Variants in ANO6 observed in about 807,000 individuals in gnomAD.
ANO6 encodes the protein anoctamin-6.
ANO6 carries 106 observed loss-of-function variants against 117.5 expected under a neutral mutation model. The ratio of observed to expected loss-of-function variants is 0.90; its 90% confidence interval spans 0.77 to 1.06. The LOEUF (loss-of-function observed/expected upper bound fraction) is 1.06. Among genes scored for constraint, ANO6 ranks in the 50% least tolerant of loss-of-function variants. The pLI is 0.00. For missense variants in ANO6, 955 were observed against 1,121.1 expected, an observed-to-expected ratio of 0.85 and a Z score of 2.12; for synonymous variants, 367 against 385.1, an observed-to-expected ratio of 0.95 and a Z score of 0.55.
chr12:45,415,754 C>G (rs969531811), intron 16 of ANO6, among the ~76,000 whole-genome samples: 1 of 152,164 alleles, frequency 6.6e-6, no homozygotes, highest in Non-Finnish European at 1.5e-5. Flanking sequence ...CTGCTTGCCT[C>G]GCCACACCCT....
chr12:45,402,086 GT>G (rs1942806511), intron 13 of ANO6, 66 bp downstream of exon 13: 2 of 1,400,692 alleles, frequency 1.4e-6, no homozygotes, highest in African/African-American at 2.9e-5. Flanking sequence ...AATAGAGACT[GT>G]TATCTTTTAG....
chr12:45,393,295 G>A (rs1483992956), intron 12 of ANO6, among the ~76,000 whole-genome samples: 1 of 152,154 alleles, frequency 6.6e-6, no homozygotes, highest in African/African-American at 2.4e-5. Flanking sequence ...CAAGGTTAGA[G>A]GAAAAAGTAA....
At chr12:45,426,045 C>T (rs769734549) in intron 19 of ANO6, among the ~76,000 whole-genome samples, 2 of 152,196 alleles carry the variant, frequency 1.3e-5, no homozygotes, top group Non-Finnish European at 2.9e-5. Context: ...TGACGTTATT[C>T]AAGGACCTGG....
rs145763837 is a variant in ANO6 at position 45,394,218 on chromosome 12, T to C, written c.1386+3720T>C. Among the ~76,000 whole-genome samples the C allele has an allele frequency of 9.4e-3, 1,429 of 152,178 alleles. 27 individuals are homozygous for C. Among genetic ancestry groups the C allele is most frequent in the African/African-American group, 0.032 (1,346 of 41,516 alleles). Reference sequence around the variant, plus strand: ...ATCCTAGTCTCTCATAAAGCAGACTTTAAACCAACAAAGATCAAAAGAGAG... The same window carrying C: ...ATCCTAGTCTCTCATAAAGCAGACTCTAAACCAACAAAGATCAAAAGAGAG... On this transcript the variant is annotated intron_variant, in intron 12 of 19. Coordinates refer to ENST00000320560, the MANE Select transcript of ANO6 (RefSeq NM_001025356.3).
chr12:45,251,014 A>G (rs1324057579), intron 1 of ANO6, among the ~76,000 whole-genome samples: 3 of 151,846 alleles, frequency 2.0e-5, no homozygotes, highest in Non-Finnish European at 4.4e-5. Flanking sequence ...TCCAGGCCAC[A>G]GTGAGCCCTG....
At chr12:45,315,441 G>C (rs1939992812) in intron 2 of ANO6, among the ~76,000 whole-genome samples, 1 of 151,796 alleles carries the variant, frequency 6.6e-6, no homozygotes, top group Admixed American at 6.6e-5. Context: ...TGGGGGTGAG[G>C]GAGAAGCGAA....
At chr12:45,230,911 C>A (rs1019238549) in intron 1 of ANO6, among the ~76,000 whole-genome samples, 1 of 152,030 alleles carries the variant, frequency 6.6e-6, no homozygotes, top group Admixed American at 6.6e-5. Flanking sequence ...AGTTCAAGAC[C>A]AGCCTGGGCA....
chr12:45,283,570 A>G (rs1428423159), intron 1 of ANO6, among the ~76,000 whole-genome samples: 1 of 152,214 alleles, frequency 6.6e-6, no homozygotes, highest in Non-Finnish European at 1.5e-5. Context: ...TGATTCAGTT[A>G]TATAATTTAA....
chr12:45,234,398 C>A (rs1474594809), intron 1 of ANO6, among the ~76,000 whole-genome samples: 2 of 152,046 alleles, frequency 1.3e-5, no homozygotes, highest in African/African-American at 4.8e-5. Flanking sequence ...CACCTTTTTT[C>A]CTACTGATTT....
chr12:45,329,460 A>C, intron 2 of ANO6, among the ~76,000 whole-genome samples: 1 of 152,162 alleles, frequency 6.6e-6, no homozygotes, highest in East Asian at 1.9e-4. Context: ...ATGGTCTTGC[A>C]TCACACATGG....
chr12:45,404,403 G>A (rs1449697707), intron 15 of ANO6, among the ~76,000 whole-genome samples: 1 of 152,018 alleles, frequency 6.6e-6, no homozygotes, highest in East Asian at 1.9e-4. Context: ...TTCTATTGCT[G>A]CTATAACAAA....
At chr12:45,433,109 A>T (rs1240226920), downstream of ANO6, among the ~76,000 whole-genome samples, 1 of 152,218 alleles carries the variant, frequency 6.6e-6, no homozygotes, top group East Asian at 1.9e-4. Flanking sequence ...CTTATACCTT[A>T]GGACCAACCA....
intron 8 of ANO6, among the ~76,000 whole-genome samples, chr12:45,365,650 G>T (rs1297113958): frequency 1.3e-5 from 2 of 152,144 alleles, no homozygotes; most frequent in Non-Finnish European, 2.9e-5. Context: ...TGGCTGCTAG[G>T]CTGCTATTTT....
Position 45,430,878 on chromosome 12 carries a change from T to C in ANO6, c.*1567T>C, listed in dbSNP as rs1184141816. 7 of 985,232 alleles carry C rather than the reference T, an allele frequency of 7.1e-6. No individual in the cohort carries two copies. Among genetic ancestry groups the C allele is most frequent in the Non-Finnish European group, 7.2e-6 (6 of 829,934 alleles). 61.0% of individuals were successfully genotyped at this position (985,232 alleles called of 1,614,324 possible). ...TGCTGGGTGCACAAGAGGGAGGTGA[T>C]TTGCATCATGGTCATGCTGCATGGG... is the stretch of plus-strand genomic sequence containing the variant. On this transcript the variant is annotated 3_prime_UTR_variant, in exon 20 of 20. Transcript: ENST00000320560.
intron 1 of ANO6, among the ~76,000 whole-genome samples, chr12:45,237,297 G>C (rs1479226464): frequency 6.6e-6 from 1 of 152,166 alleles, no homozygotes; most frequent in Non-Finnish European, 1.5e-5. Context: ...TGAAGTCCTT[G>C]CTGATGCCTA....
Position 45,430,898 on chromosome 12 carries a change from C to A in ANO6, c.*1587C>A, listed in dbSNP as rs927606337. The A allele has an allele frequency of 8.1e-6, 8 of 985,278 alleles. No individual in the cohort carries two copies. In the African/African-American group the frequency reaches 1.4e-4, roughly 17 times the overall value. The allele number at this position is 985,278 out of a possible 1,614,324, so 61.0% of individuals were successfully genotyped here. A position where few individuals can be genotyped will look rare whatever the true frequency, so the allele number is the denominator to read the frequency against. ...GGTGATTTGCATCATGGTCATGCTG[C>A]ATGGGCTTCACTGGGATGCTGTTAA... On this transcript the variant is annotated 3_prime_UTR_variant, in exon 20 of 20. Transcript: ENST00000320560.
Position 45,378,181 on chromosome 12 carries a change from A to G in ANO6, c.1165+68A>G, listed in dbSNP as rs182081756. Reference sequence around the variant, plus strand: ...TTACACAGTTTTATGTAGGCTATCAAAGTAACCCACTTTTAGGATCTTGTA... The same window carrying G: ...TTACACAGTTTTATGTAGGCTATCAGAGTAACCCACTTTTAGGATCTTGTA... On this transcript the variant is annotated intron_variant, in intron 10 of 19. Transcript: ENST00000320560. 173 of 1,477,378 alleles carry G rather than the reference A, an allele frequency of 1.2e-4. 1 individual carries two copies. The East Asian group carries it at 2.5e-3, about 21-fold the overall frequency. The allele number at this position is 1,477,378 out of a possible 1,614,324, so 91.5% of individuals were successfully genotyped here. A position where few individuals can be genotyped will look rare whatever the true frequency, so the allele number is the denominator to read the frequency against.
At position 45,286,333 on chromosome 12, in the gene ANO6, A is replaced by G. The variant is rs76829268; in HGVS notation, c.71-15681A>G. Among the ~76,000 whole-genome samples, 1,464 of 152,320 alleles carry G rather than the reference A, an allele frequency of 9.6e-3. 25 individuals carry two copies. Among genetic ancestry groups the G allele is most frequent in the African/African-American group, 0.033 (1,379 of 41,572 alleles). ...ATCTTAACCGTAAAGGCATTCAGTT[A>G]TATTTGGCCTAAAATAATACCCTGA... On this transcript the variant is annotated intron_variant, in intron 1 of 19. Coordinates refer to ENST00000320560, the MANE Select transcript of ANO6 (RefSeq NM_001025356.3).
intron 1 of ANO6, among the ~76,000 whole-genome samples, chr12:45,295,851 TTTTTTA>T (rs1023154212): frequency 8.6e-5 from 13 of 151,788 alleles, no homozygotes; most frequent in Admixed American, 1.3e-4. Flanking sequence ...CTTTTTAAAT[TTTTTTA>T]TTTTTATTTT....
Sources: allele counts gnomAD v4.1 joint callset (sites outside exome capture counted in the v4.1 genomes callset), GRCh38; gene constraint gnomAD v4.1.1; transcripts MANE v1.5; gene names NCBI Gene and HGNC (gene_info 2026-07-23, HGNC 2026-07-21).